The following ABCA6 variants were observed in gnomAD, a reference collection of about 807,000 sequenced individuals.
ABCA6 encodes the protein ATP binding cassette subfamily A member 6.
In ABCA6, 164 loss-of-function variants were observed where a neutral mutation model predicts 191.2. The observed-to-expected ratio is 0.86, with a 90% CI of 0.76 to 0.98. The LOEUF is 0.98. ABCA6 is among the 50% of genes least tolerant of loss of function. ABCA6 has a pLI of 0.00. For missense variants in ABCA6, 1,958 were observed against 1,894.1 expected (o/e 1.03, Z -0.63); for synonymous variants, 636 against 647.7 (o/e 0.98, Z 0.27).
chr17:69,125,118 A>G, intron 8 of ABCA6, 83 bp from the exon 9 acceptor site: 1 of 750,920 alleles, frequency 1.3e-6, no homozygotes, highest in East Asian at 3.5e-5. Flanking sequence ...TAATTTATTA[A>G]CTAGCTTTTT....
intron 6 of ABCA6, among the ~76,000 whole-genome samples, chr17:69,130,308 C>A (rs1598058468): frequency 6.7e-6 from 1 of 150,340 alleles, no homozygotes; most frequent in Admixed American, 6.6e-5. Context: ...CAGAGCGAGA[C>A]TCCATCTCAA....
Position 69,089,574 on chromosome 17 carries a change from A to T in ABCA6, c.3529-32T>A, listed in dbSNP as rs2072880677. Reference sequence around the variant, plus strand: ...AGACAAAACAAAACACACACACACTAATGATAATTCATCTGCTTTATGATT... The same window carrying T: ...AGACAAAACAAAACACACACACACTTATGATAATTCATCTGCTTTATGATT... On this transcript the variant is annotated intron_variant, in intron 26 of 38. Transcript: ENST00000284425. 4.7e-6 allele frequency: 7 copies of T among 1,483,010 alleles called. No individual in the cohort carries two copies. In the East Asian group the frequency reaches 1.6e-4, roughly 34 times the overall value. 91.9% of individuals were successfully genotyped at this position (1,483,010 alleles called of 1,614,324 possible).
At position 69,089,552 on chromosome 17, in the gene ABCA6, C is replaced by A. The variant is rs746575907; in HGVS notation, c.3529-10G>T. 1.2e-6 allele frequency: 2 copies of A among 1,601,588 alleles called. No individual in the cohort carries two copies. Among genetic ancestry groups the A allele is most frequent in the Admixed American group, 3.4e-5 (2 of 59,684 alleles). ...AGTGCTCCTGGTCTCTCTGAAAAGA[C>A]AAAACAAAACACACACACACTAATG... is the stretch of plus-strand genomic sequence containing the variant. On this transcript the variant is annotated splice_polypyrimidine_tract_variant and intron_variant, in intron 26 of 38. Coordinates refer to ENST00000284425, the MANE Select transcript of ABCA6 (RefSeq NM_080284.3).
chr17:69,087,766 C>T (rs940186793), intron 28 of ABCA6: 3 of 449,528 alleles, frequency 6.7e-6, no homozygotes, highest in Admixed American at 8.1e-5. Context: ...TTTCTCTACT[C>T]AGTCTGAGCT....
chr17:69,120,179 G>A (rs986462597), intron 10 of ABCA6, among the ~76,000 whole-genome samples: 3 of 151,932 alleles, frequency 2.0e-5, no homozygotes, highest in South Asian at 2.1e-4. Context: ...AAATTCTGAC[G>A]AAGGATGGAG....
chr17:69,096,331 G>C lies in ABCA6; in HGVS notation c.3317C>G (p.Ala1106Gly), dbSNP rs780212090. Residue 1106 changes from alanine (A) to glycine (G), a missense_variant, in exon 25 of 39, where the codon GCA becomes GGA. Physicochemically the swap from Ala to Gly is moderately conservative, Grantham distance 60. Transcript: ENST00000284425. ...ATATATGAAGAAGACAAGAGAAGCT[G>C]CATAACCAGGAGTAACTATAACCTG... is the stretch of plus-strand genomic sequence containing the variant. ...FALVIVTPGY[A>G]ASLVFFIYMI... The C allele has an allele frequency of 1.2e-5, 18 of 1,498,034 alleles. No homozygotes were observed. The African/African-American group carries it at 2.6e-4, about 21-fold the overall frequency. 92.8% of individuals were successfully genotyped at this position (1,498,034 alleles called of 1,614,324 possible).
intron 18 of ABCA6, among the ~76,000 whole-genome samples, chr17:69,106,961 G>A (rs940910833): frequency 1.3e-5 from 2 of 152,010 alleles, no homozygotes; most frequent in Admixed American, 6.6e-5. Flanking sequence ...ATTCCTCTGA[G>A]GGATTTTTAA....
chr17:69,131,262 T>C (rs1437816371), intron 6 of ABCA6, among the ~76,000 whole-genome samples: 4 of 152,172 alleles, frequency 2.6e-5, no homozygotes, highest in Non-Finnish European at 5.9e-5. Flanking sequence ...GGACTTTGCA[T>C]CAATATGTCC....
At chr17:69,119,059 A>G (rs2073591064) in intron 10 of ABCA6, among the ~76,000 whole-genome samples, 1 of 152,058 alleles carries the variant, frequency 6.6e-6, no homozygotes, top group African/African-American at 2.4e-5. Flanking sequence ...TATTCACATT[A>G]ATTACTTCTC....
intron 25 of ABCA6, among the ~76,000 whole-genome samples, chr17:69,096,008 G>A (rs2073036970): frequency 1.1e-4 from 16 of 152,212 alleles, no homozygotes; most frequent in Admixed American, 1.0e-3. Flanking sequence ...GGACGTTTCA[G>A]ACGTCAGGTC....
At chr17:69,112,055 C>G in intron 16 of ABCA6, 128 bp downstream of exon 16, 1 of 677,374 alleles carries the variant, frequency 1.5e-6, no homozygotes, top group Non-Finnish European at 2.6e-6. Context: ...AAAAAGTATT[C>G]AGGAAACACT....
At chr17:69,122,471 A>G (rs945067405) in intron 10 of ABCA6, among the ~76,000 whole-genome samples, 4 of 152,060 alleles carry the variant, frequency 2.6e-5, no homozygotes, top group African/African-American at 7.2e-5. Context: ...TCTGTGATAT[A>G]CCAAGTCTCA....
At chr17:69,090,018 T>C (rs2072890425) in intron 26 of ABCA6, among the ~76,000 whole-genome samples, 1 of 152,208 alleles carries the variant, frequency 6.6e-6, no homozygotes, top group Non-Finnish European at 1.5e-5. Context: ...TATTCTTTCT[T>C]CATCAATCAG....
intron 15 of ABCA6, chr17:69,112,481 G>A: frequency 2.1e-6 from 1 of 465,232 alleles, no homozygotes; most frequent in Non-Finnish European, 3.8e-6. Context: ...CCATAAAAGA[G>A]AATGAAACCA....
chr17:69,131,439 A>G (rs1330818512), intron 6 of ABCA6, among the ~76,000 whole-genome samples: 3 of 152,206 alleles, frequency 2.0e-5, no homozygotes, highest in Admixed American at 6.5e-5. Context: ...TTAGGTAGGA[A>G]TTGAAAAAAC....
chr17:69,103,743 C>G (rs1159752975), intron 20 of ABCA6, among the ~76,000 whole-genome samples: 2 of 151,930 alleles, frequency 1.3e-5, no homozygotes, highest in African/African-American at 4.8e-5. Flanking sequence ...CCCGTCAGGC[C>G]CCTCCCCACG....
intron 15 of ABCA6, chr17:69,112,496 T>C (rs1742338557): frequency 2.2e-6 from 1 of 445,816 alleles, no homozygotes; most frequent in Non-Finnish European, 4.0e-6. Flanking sequence ...AAACCATGTC[T>C]TTTGCAGCAA....
At chr17:69,128,983 T>C (rs2073809238) in intron 7 of ABCA6, among the ~76,000 whole-genome samples, 179 bp from the exon 8 acceptor site, 1 of 152,144 alleles carries the variant, frequency 6.6e-6, no homozygotes, top group African/African-American at 2.4e-5. Flanking sequence ...TGAAAAAGGA[T>C]CCTTGTTTGT....
chr17:69,096,565 A>C (rs2073050123), intron 24 of ABCA6, 63 bp downstream of exon 24: 1 of 1,206,472 alleles, frequency 8.3e-7, no homozygotes, highest in Non-Finnish European at 1.1e-6. Context: ...TACTTAAAAT[A>C]ACAATGTTAA....
Sources: allele counts gnomAD v4.1 joint callset (sites outside exome capture counted in the v4.1 genomes callset), GRCh38; gene constraint gnomAD v4.1.1; transcripts MANE v1.5; gene names NCBI Gene and HGNC (gene_info 2026-07-23, HGNC 2026-07-21).